HM13: variants seen among roughly 807,000 people sequenced by gnomAD.
The protein encoded by HM13 is histocompatibility minor 13.
HM13 carries 18 observed loss-of-function variants against 50.0 expected under a neutral mutation model. The ratio of observed to expected loss-of-function variants is 0.36; its 90% confidence interval spans 0.25 to 0.53. The LOEUF (loss-of-function observed/expected upper bound fraction) is 0.53, where lower values mean the gene tolerates loss of function less well. Among genes scored for constraint, HM13 ranks in the 20% least tolerant of loss-of-function variants. HM13 has a pLI of 0.90. For synonymous variants in HM13, 197 were observed against 232.6 expected, an observed-to-expected ratio of 0.85 and a Z score of 1.39; for missense variants, 393 against 552.4, an observed-to-expected ratio of 0.71 and a Z score of 2.89.
chr20:31,539,207 T>C (rs1983293344), intron 3 of HM13: 3 of 985,476 alleles, frequency 3.0e-6, no homozygotes, highest in East Asian at 1.1e-4. Context: ...TTACAAACAG[T>C]TGGCAACCTT....
At chr20:31,538,703 CTTACT>C (rs1329144523) in intron 3 of HM13, 2 of 1,012,444 alleles carry the variant, frequency 2.0e-6, no homozygotes, top group Admixed American at 1.1e-4. Context: ...ATTTGACTAC[CTTACT>C]TTGAGTCCAG....
intron 2 of HM13, among the ~76,000 whole-genome samples, chr20:31,537,632 G>A (rs1335884179): frequency 6.6e-6 from 1 of 152,204 alleles, no homozygotes; most frequent in African/African-American, 2.4e-5. Context: ...ACCTAACGAC[G>A]AAAAGACCAA....
At position 31,515,084 on chromosome 20, in the gene HM13, A is replaced by G. The variant is rs114777119; in HGVS notation, c.183+350A>G. Among the ~76,000 whole-genome samples, 740 of 152,264 alleles carry G rather than the reference A, an allele frequency of 4.9e-3. 7 individuals carry two copies. The highest frequency in any genetic ancestry group is 0.017 in the African/African-American group (702 of 41,562). ...TGATTGTTCTGAGCCTGTTGGGCCC[A>G]GGCAGATCAGCCCCATCATGTATAC... On this transcript the variant is annotated intron_variant, in intron 1 of 12. Transcript: ENST00000398174.
intron 1 of HM13, among the ~76,000 whole-genome samples, chr20:31,525,783 GAAAGA>G (rs1982451240): frequency 1.3e-5 from 2 of 151,886 alleles, no homozygotes; most frequent in South Asian, 4.2e-4. Context: ...AAAAAGAAAA[GAAAGA>G]AAAGAAATTT....
At chr20:31,537,403 A>G (rs1226844295) in intron 2 of HM13, among the ~76,000 whole-genome samples, 1 of 152,256 alleles carries the variant, frequency 6.6e-6, no homozygotes, top group Admixed American at 6.5e-5. Flanking sequence ...ACAGATGTTC[A>G]GCAGATTCCA....
At chr20:31,518,538 C>T (rs1448449167) in intron 1 of HM13, among the ~76,000 whole-genome samples, 1 of 151,304 alleles carries the variant, frequency 6.6e-6, no homozygotes, top group African/African-American at 2.4e-5. Context: ...CCCAGCTACT[C>T]GGGAGGCTGA....
intron 3 of HM13, among the ~76,000 whole-genome samples, chr20:31,542,049 GACTGGC>G (rs1983477037): frequency 1.3e-5 from 2 of 152,360 alleles, no homozygotes; most frequent in East Asian, 3.9e-4. Context: ...GTCTCCCAAG[GACTGGC>G]AGAGGAGAGG....
rs528007504 is a variant in HM13 at position 31,516,526 on chromosome 20, A to C, written c.183+1792A>C. ...AGATTGAGCACATCTGGGACAATGC[A>C]GGGAGGCTTTGTGCTAGAGGTAGGC... On this transcript the variant is annotated intron_variant, in intron 1 of 12. Coordinates refer to ENST00000398174, the MANE Select transcript of HM13 (RefSeq NM_178581.3). 1.1e-4 allele frequency among the ~76,000 whole-genome samples: 16 copies of C among 152,230 alleles called. 1 individual carries two copies. The highest frequency in any genetic ancestry group is 1.9e-4 in the Non-Finnish European group (13 of 68,048).
intron 4 of HM13, chr20:31,548,506 G>A (rs776721114): frequency 2.2e-5 from 4 of 184,348 alleles, no homozygotes; most frequent in East Asian, 1.4e-4. Context: ...TGGCAAAGTA[G>A]AAAGATTCCA....
Position 31,527,507 on chromosome 20 carries a change from A to G in HM13, c.207A>G (p.Thr69=). ...AGAATGCTTCAGACATGCCTGAAAC[A>G]ATCACCAGCCGGGATGCCGCCCGCT... ...RGKNASDMPE[T]ITSRDAARFP... is the part of the protein sequence containing the mutation. Residue 69 remains threonine, a synonymous_variant, in exon 2 of 13, where the codon ACA becomes ACG. Coordinates refer to ENST00000398174, the MANE Select transcript of HM13 (RefSeq NM_178581.3). 1.2e-6 allele frequency: 2 copies of G among 1,614,056 alleles called. No homozygotes were observed. The highest frequency in any genetic ancestry group is 1.7e-6 in the Non-Finnish European group (2 of 1,179,942).
At chr20:31,531,314 C>T (rs1488783980) in intron 2 of HM13, among the ~76,000 whole-genome samples, 20 of 152,118 alleles carry the variant, frequency 1.3e-4, no homozygotes, top group Admixed American at 1.1e-3. Flanking sequence ...GCTGGGATTA[C>T]AGGTGTGAGC....
intron 4 of HM13, chr20:31,548,117 T>C: frequency 1.9e-6 from 2 of 1,035,178 alleles, no homozygotes; most frequent in Non-Finnish European, 3.0e-6. Flanking sequence ...TGTTTGTGTC[T>C]GTGTGTGACA....
At chr20:31,561,936 G>T (rs1034192578) in intron 10 of HM13, among the ~76,000 whole-genome samples, 200 bp downstream of exon 10, 9 of 152,360 alleles carry the variant, frequency 5.9e-5, no homozygotes, top group African/African-American at 2.2e-4. Flanking sequence ...GGGCACGTTA[G>T]AGGCAAGAAG....
In HM13 at chr20:31,554,555, G is replaced by A. The variant is rs932693557; in HGVS notation, c.725-191G>A. ...AAATTAGCTGGGTGCGGTGGTGGGC[G>A]CCTGTAGTTCCAGCTACTTGGGAGG... On this transcript the variant is annotated intron_variant, in intron 7 of 12. Transcript: ENST00000398174. 35 of 527,696 alleles carry A rather than the reference G, an allele frequency of 6.6e-5. No individual in the cohort carries two copies. The East Asian group carries it at 7.3e-4, about 11-fold the overall frequency. 32.7% of individuals were successfully genotyped at this position (527,696 alleles called of 1,614,324 possible).
chr20:31,548,947 A>G lies in HM13; in HGVS notation c.455-82A>G, dbSNP rs773481668. 26 of 1,212,064 alleles carry G rather than the reference A, an allele frequency of 2.1e-5. 2 individuals carry two copies. The South Asian group carries it at 2.9e-4, about 14-fold the overall frequency. 75.1% of individuals were successfully genotyped at this position (1,212,064 alleles called of 1,614,324 possible). ...TGAACCTCTCACAGTGCCCACAGCC[A>G]TGCCCTCCTCCGTCCAGGGGCTGAC... On this transcript the variant is annotated intron_variant, in intron 4 of 12. Transcript: ENST00000398174.
At chr20:31,545,160 C>T in intron 4 of HM13, 125 bp downstream of exon 4, 1 of 747,788 alleles carries the variant, frequency 1.3e-6, no homozygotes. Context: ...AATTCCATGG[C>T]CTGGATTCAC....
At chr20:31,555,579 T>G (rs1041644611) in intron 8 of HM13, among the ~76,000 whole-genome samples, 1 of 152,000 alleles carries the variant, frequency 6.6e-6, no homozygotes, top group South Asian at 2.1e-4. Flanking sequence ...GAGGCTCGGG[T>G]GTGTCTGCTT....
At chr20:31,547,179 A>G (rs771300761) in intron 4 of HM13, among the ~76,000 whole-genome samples, 2 of 152,194 alleles carry the variant, frequency 1.3e-5, no homozygotes, top group African/African-American at 2.4e-5. Flanking sequence ...GCGCATCTGC[A>G]GTCTTCTGTT....
In HM13 at chr20:31,569,248, CAGACCAGACAG is replaced by C; in HGVS notation, c.*31_*41del. ...AGCTGGTGCCCGAGCCTCTCAGGGC[CAGACCAGACAG>C]ATGGGGGCTGGGCCCACACAGGCGT... On this transcript the variant is annotated 3_prime_UTR_variant, in exon 13 of 13. Transcript: ENST00000398174. 2 of 1,426,444 alleles carry C rather than the reference CAGACCAGACAG, an allele frequency of 1.4e-6. No homozygotes were observed. Among genetic ancestry groups the C allele is most frequent in the Non-Finnish European group, 1.9e-6 (2 of 1,032,072 alleles). The allele number at this position is 1,426,444 out of a possible 1,614,324, so 88.4% of individuals were successfully genotyped here. A position where few individuals can be genotyped will look rare whatever the true frequency, so the allele number is the denominator to read the frequency against.
Sources: gnomAD v4.1 joint callset for allele counts (sites outside exome capture counted in the v4.1 genomes callset) on GRCh38, gnomAD v4.1.1 for gene constraint, MANE v1.5 for transcripts, NCBI Gene and HGNC (gene_info 2026-07-23, HGNC 2026-07-21) for gene names.